Variants in GABBR2 observed in about 807,000 individuals in gnomAD.
GABBR2 encodes the protein gamma-aminobutyric acid type B receptor subunit 2, also known as G-protein coupled receptor 51.
In GABBR2, 23 loss-of-function variants were observed where a neutral mutation model predicts 105.6. The observed-to-expected ratio is 0.22, with a 90% confidence interval of 0.16 to 0.31. The LOEUF is 0.31. GABBR2 is among the 10% of genes least tolerant of loss of function. The pLI is 1.00. For missense variants in GABBR2, 734 were observed against 1,245.5 expected, an observed-to-expected ratio of 0.59 and a Z score of 6.18; for synonymous variants, 478 against 499.7, an observed-to-expected ratio of 0.96 and a Z score of 0.58.
intron 3 of GABBR2, among the ~76,000 whole-genome samples, chr9:98,533,469 C>G: frequency 6.6e-6 from 1 of 152,258 alleles, no homozygotes; most frequent in Non-Finnish European, 1.5e-5. Context: ...CAGGTGGACT[C>G]AGGAAAACAG....
chr9:98,573,344 A>G (rs1053082776), intron 2 of GABBR2, among the ~76,000 whole-genome samples: 2 of 152,200 alleles, frequency 1.3e-5, no homozygotes, highest in South Asian at 2.1e-4. Flanking sequence ...GTGCAGTGGC[A>G]TGATCATAGC....
At chr9:98,302,632 T>C (rs1039789164) in intron 16 of GABBR2, among the ~76,000 whole-genome samples, 1 of 152,140 alleles carries the variant, frequency 6.6e-6, no homozygotes, top group Non-Finnish European at 1.5e-5. Context: ...GAGCACGGGT[T>C]CAGGCATACC....
intron 1 of GABBR2, among the ~76,000 whole-genome samples, chr9:98,604,336 C>T (rs1829381938): frequency 6.6e-6 from 1 of 152,210 alleles, no homozygotes; most frequent in Admixed American, 6.5e-5. Flanking sequence ...GACAGGACAT[C>T]CATGCAGCTC....
chr9:98,549,381 G>A lies in GABBR2; in HGVS notation c.460-7338C>T, dbSNP rs200539185. ...CATTTATTTATTTAGTAAACCATAT[G>A]TTCTCAAATATTGCAAAAATAAAGT... On this transcript the variant is annotated intron_variant, in intron 2 of 18. Coordinates refer to ENST00000259455, the MANE Select transcript of GABBR2 (RefSeq NM_005458.8). Among the ~76,000 whole-genome samples the A allele has an allele frequency of 1.2e-4, 7 of 57,384 alleles. 1 individual carries two copies. In the South Asian group the frequency reaches 3.8e-3, roughly 31 times the overall value. 37.6% of individuals were successfully genotyped at this position (57,384 alleles called of 152,430 possible). A position where few individuals can be genotyped will look rare whatever the true frequency, so the allele number is the denominator to read the frequency against.
chr9:98,358,739 G>T (rs1226367658), intron 13 of GABBR2, among the ~76,000 whole-genome samples: 1 of 152,188 alleles, frequency 6.6e-6, no homozygotes, highest in Non-Finnish European at 1.5e-5. Context: ...AGTGGCAGGG[G>T]CGTCATGGAG....
chr9:98,559,943 T>C (rs1274498003), intron 2 of GABBR2, among the ~76,000 whole-genome samples: 3 of 150,010 alleles, frequency 2.0e-5, no homozygotes, highest in Non-Finnish European at 4.4e-5. Context: ...GACTGTATGC[T>C]CCCTTTGCAT....
intron 6 of GABBR2, among the ~76,000 whole-genome samples, chr9:98,470,525 C>T (rs1826651908): frequency 6.6e-6 from 1 of 152,150 alleles, no homozygotes; most frequent in Admixed American, 6.5e-5. Flanking sequence ...GGGTCCCTCC[C>T]ACAACACATG....
intron 7 of GABBR2, among the ~76,000 whole-genome samples, chr9:98,442,858 T>C (rs1328687848): frequency 2.0e-5 from 3 of 152,220 alleles, no homozygotes; most frequent in Non-Finnish European, 4.4e-5. Flanking sequence ...CATGGCATTC[T>C]CCCTGTGTGC....
At chr9:98,335,859 C>T (rs575646533) in intron 13 of GABBR2, among the ~76,000 whole-genome samples, 5 of 152,284 alleles carry the variant, frequency 3.3e-5, no homozygotes, top group Middle Eastern at 3.4e-3. Flanking sequence ...CATTCATGCA[C>T]GCATTCCTTT....
chr9:98,450,919 C>T (rs1305765426), intron 7 of GABBR2, among the ~76,000 whole-genome samples: 1 of 152,144 alleles, frequency 6.6e-6, no homozygotes. Context: ...CTATCAGGCA[C>T]CTAGGCAAAA....
At chr9:98,515,355 C>CA (rs1291983832) in intron 3 of GABBR2, among the ~76,000 whole-genome samples, 1 of 152,182 alleles carries the variant, frequency 6.6e-6, no homozygotes, top group Non-Finnish European at 1.5e-5. Flanking sequence ...GCAGTGCGAT[C>CA]AAATTGTCCA....
intron 7 of GABBR2, among the ~76,000 whole-genome samples, chr9:98,426,399 T>C (rs796583293): frequency 3.9e-5 from 6 of 152,224 alleles, no homozygotes; most frequent in East Asian, 1.9e-4. Context: ...AGTGTGTGTA[T>C]GCACACGTGT....
chr9:98,553,246 G>C (rs1828523985), intron 2 of GABBR2, among the ~76,000 whole-genome samples: 1 of 152,040 alleles, frequency 6.6e-6, no homozygotes, highest in South Asian at 2.1e-4. Context: ...TTTCCTGTGG[G>C]AGAAACTGAG....
intron 5 of GABBR2, among the ~76,000 whole-genome samples, chr9:98,473,733 A>G (rs1826733919): frequency 6.6e-6 from 1 of 152,196 alleles, no homozygotes; most frequent in Non-Finnish European, 1.5e-5. Context: ...TCTCATTATC[A>G]ATAAGGAGAA....
At chr9:98,522,085 A>C (rs892750764) in intron 3 of GABBR2, among the ~76,000 whole-genome samples, 3 of 152,124 alleles carry the variant, frequency 2.0e-5, no homozygotes, top group Non-Finnish European at 2.9e-5. Context: ...ACTGGAAATG[A>C]ATAATGTTAT....
chr9:98,657,721 G>A, intron 1 of GABBR2, among the ~76,000 whole-genome samples: 1 of 152,276 alleles, frequency 6.6e-6, no homozygotes, highest in Middle Eastern at 3.2e-3. Context: ...CATATGGCAA[G>A]AGCGGGACCA....
intron 3 of GABBR2, among the ~76,000 whole-genome samples, chr9:98,541,363 T>C (rs1828299930): frequency 6.6e-6 from 1 of 151,752 alleles, no homozygotes. Context: ...TTTTGGCTTT[T>C]TTTTCCCCCA....
intron 13 of GABBR2, among the ~76,000 whole-genome samples, chr9:98,321,099 G>T (rs1182825574): frequency 1.3e-5 from 2 of 152,046 alleles, no homozygotes; most frequent in Non-Finnish European, 2.9e-5. Flanking sequence ...CCTGGGAAAG[G>T]GCAGGAGTCT....
At position 98,288,457 on chromosome 9, in the gene GABBR2, T is replaced by C. The variant is rs1402112950; in HGVS notation, c.*2127A>G. 3 of 152,670 alleles carry C rather than the reference T, an allele frequency of 2.0e-5. No homozygotes were observed. Among genetic ancestry groups the C allele is most frequent in the Non-Finnish European group, 4.4e-5 (3 of 68,048 alleles). 9.5% of individuals were successfully genotyped at this position (152,670 alleles called of 1,614,324 possible). ...CGCACGCTCAGGAGTCACAAAGGGTTACAGACGCACAGGCTCACCTCCGAC... is the reference window on the plus strand; with the variant it reads ...CGCACGCTCAGGAGTCACAAAGGGTCACAGACGCACAGGCTCACCTCCGAC... On this transcript the variant is annotated 3_prime_UTR_variant, in exon 19 of 19. Transcript: ENST00000259455.
Sources: allele counts gnomAD v4.1 joint callset (sites outside exome capture counted in the v4.1 genomes callset), GRCh38; gene constraint gnomAD v4.1.1; transcripts MANE v1.5; gene names NCBI Gene and HGNC (gene_info 2026-07-23, HGNC 2026-07-21).